The following ATXN10 variants were observed in gnomAD, a reference collection of about 807,000 sequenced individuals.
ATXN10 encodes ataxin-10.
ATXN10 carries 28 observed loss-of-function variants against 52.9 expected under a neutral mutation model. That is an observed-to-expected ratio of 0.53 (90% CI 0.39 to 0.73). The LOEUF is 0.73. Ranked by LOEUF, ATXN10 falls within the 30% of genes least tolerant of loss-of-function variation. The probability of loss-of-function intolerance (pLI) is 0.00; values close to 1 mark genes in which losing one functional copy is unlikely to be tolerated. For synonymous variants in ATXN10, 226 were observed against 221.5 expected, an observed-to-expected ratio of 1.02 and a Z score of -0.18; for missense variants, 565 against 577.0, an observed-to-expected ratio of 0.98 and a Z score of 0.21.
At chr22:45,814,017 A>G (rs916817591) in intron 10 of ATXN10, among the ~76,000 whole-genome samples, 3 of 152,218 alleles carry the variant, frequency 2.0e-5, no homozygotes. Flanking sequence ...AGTGGGGAAA[A>G]CATGACCTGG....
intron 9 of ATXN10, among the ~76,000 whole-genome samples, chr22:45,791,144 T>C (rs560579407): frequency 3.2e-4 from 49 of 152,202 alleles, no homozygotes; most frequent in Non-Finnish European, 5.9e-4. Flanking sequence ...CAAAAAACAT[T>C]ACTGTTTTCC....
At position 45,807,034 on chromosome 22, in the gene ATXN10, T is replaced by C. The variant is rs748225072; in HGVS notation, c.1237+12T>C. On this transcript the variant is annotated intron_variant, in intron 10 of 11. Coordinates refer to ENST00000252934, the MANE Select transcript of ATXN10 (RefSeq NM_013236.4). ...TGACAGTAACCCCTGTATCCTTGCATGTGAATTACCATGCACAAGTTTACA... is the reference window on the plus strand; with the variant it reads ...TGACAGTAACCCCTGTATCCTTGCACGTGAATTACCATGCACAAGTTTACA... 2.4e-5 allele frequency: 39 copies of C among 1,611,984 alleles called. No individual in the cohort carries two copies. The highest frequency in any genetic ancestry group is 3.1e-5 in the Non-Finnish European group (37 of 1,178,144).
In ATXN10 at chr22:45,825,047, C is replaced by T. The variant is rs1301805962; in HGVS notation, c.1238-17944C>T. On this transcript the variant is annotated intron_variant, in intron 10 of 11. Coordinates refer to ENST00000252934, the MANE Select transcript of ATXN10 (RefSeq NM_013236.4). The surrounding 1 kb of genome is among the most constrained non-coding windows in gnomAD (Gnocchi z 4.5). The stretch of plus-strand genomic sequence containing the variant: ...TCAGTAGCAGCTATTCCTCCTCCAT[C>T]CCCAGTCCTATGGCAGACAGCTGCT... Among the ~76,000 whole-genome samples the T allele has an allele frequency of 6.6e-6, 1 of 152,338 alleles. No homozygotes were observed. The highest frequency in any genetic ancestry group is 1.9e-4 in the East Asian group (1 of 5,188).
chr22:45,815,294 A>C (rs541044807), intron 10 of ATXN10, among the ~76,000 whole-genome samples: 1 of 152,318 alleles, frequency 6.6e-6, no homozygotes, highest in Admixed American at 6.5e-5. Context: ...GGATTCATCT[A>C]TGGTAATAGA....
Position 45,740,372 on chromosome 22 carries a change from T to G in ATXN10, c.1007T>G (p.Leu336Arg). The change falls in exon 9 of 12, where the codon CTT becomes CGT. Residue 336 changes from leucine (L) to arginine (R), a missense_variant. By Grantham distance (102) the Leu-to-Arg change is moderately radical. Transcript: ENST00000252934. ...FPGLLERVID[L>R]LRVIHVAGKE... ...AAGTTTACTCTTTTGGTTATAGATC[T>G]TTTGCGGGTGATTCATGTAGCTGGA... The G allele has an allele frequency of 6.2e-7, 1 of 1,613,826 alleles. No individual in the cohort carries two copies. The highest frequency in any genetic ancestry group is 8.5e-7 in the Non-Finnish European group (1 of 1,179,832).
chr22:45,832,323 A>T (rs1929020588), intron 10 of ATXN10, among the ~76,000 whole-genome samples: 1 of 152,128 alleles, frequency 6.6e-6, no homozygotes, highest in African/African-American at 2.4e-5. Flanking sequence ...AGTTTTTCTC[A>T]TCAGTGTTCC....
chr22:45,799,582 G>A (rs1035398065), intron 9 of ATXN10, among the ~76,000 whole-genome samples: 1 of 152,160 alleles, frequency 6.6e-6, no homozygotes, highest in African/African-American at 2.4e-5. Context: ...CAAACTATCA[G>A]TAGCTAAAGA....
chr22:45,710,366 G>A (rs907437090), intron 5 of ATXN10, among the ~76,000 whole-genome samples: 8 of 152,054 alleles, frequency 5.3e-5, no homozygotes, highest in South Asian at 2.1e-4. Context: ...AGCTCTTTTA[G>A]GTCTCTGTTC....
At chr22:45,800,699 C>G (rs1017966223) in intron 9 of ATXN10, among the ~76,000 whole-genome samples, 3 of 152,170 alleles carry the variant, frequency 2.0e-5, no homozygotes, top group African/African-American at 7.2e-5. Flanking sequence ...CAGTGGCCAT[C>G]AACACATGAG....
At position 45,843,032 on chromosome 22, in the gene ATXN10, G is replaced by A. The variant is rs552570494; in HGVS notation, c.1279G>A (p.Glu427Lys). 60 of 1,614,142 alleles carry A rather than the reference G, an allele frequency of 3.7e-5. No individual in the cohort carries two copies. In the Middle Eastern group the frequency reaches 6.6e-4, roughly 18 times the overall value. The part of the protein sequence containing the change: ...WVIYAIRNLT[E>K]DNSQNQDLIA... ...GATATATGCCATCCGAAACCTTACC[G>A]AAGACAACAGCCAAAACCAAGATTT... The change falls in exon 11 of 12, where the codon GAA becomes AAA. Residue 427 changes from glutamate (E) to lysine (K), a missense_variant. Transcript: ENST00000252934. The surrounding 1 kb of genome is among the most constrained non-coding windows in gnomAD (Gnocchi z 4.5).
At chr22:45,782,958 T>G (rs1927201378) in intron 9 of ATXN10, among the ~76,000 whole-genome samples, 1 of 150,182 alleles carries the variant, frequency 6.7e-6, no homozygotes, top group Non-Finnish European at 1.5e-5. Context: ...AATGGTAAAC[T>G]AGAACAATTA....
Position 45,672,010 on chromosome 22 carries a change from G to T in ATXN10, c.-54G>T, listed in dbSNP as rs760520011. On this transcript the variant is annotated 5_prime_UTR_variant, in exon 1 of 12. Transcript: ENST00000252934. ...TCCCTCCTCGTCATCCTCCCCCTTCGTCCTCCTCGCCTTCCTCCTCCTCGT... is the reference window on the plus strand; with the variant it reads ...TCCCTCCTCGTCATCCTCCCCCTTCTTCCTCCTCGCCTTCCTCCTCCTCGT... The T allele has an allele frequency of 3.3e-6, 5 of 1,521,482 alleles. No individual in the cohort carries two copies. The Middle Eastern group carries it at 5.1e-4, about 154-fold the overall frequency. 94.2% of individuals were successfully genotyped at this position (1,521,482 alleles called of 1,614,324 possible).
intron 9 of ATXN10, among the ~76,000 whole-genome samples, chr22:45,768,958 A>T (rs937280804): frequency 1.3e-5 from 2 of 152,134 alleles, no homozygotes; most frequent in Non-Finnish European, 2.9e-5. Context: ...AGAAATACCA[A>T]GGTATTAGCT....
intron 9 of ATXN10, among the ~76,000 whole-genome samples, chr22:45,752,609 T>C (rs2146818757): frequency 6.6e-6 from 1 of 150,798 alleles, no homozygotes; most frequent in East Asian, 1.9e-4. Flanking sequence ...GCCAGAGAGC[T>C]GGCCCCTTGG....
rs1162469372 is a variant in ATXN10, at chr22:45,728,098, T to TGTGAATATAC, written c.729-1327_729-1326insGTGAATATAC. The stretch of plus-strand genomic sequence containing the variant: ...TTAGATGATTTATATTCAATGTTAA[T>TGTGAATATAC]ACTGAGATGTGAGGTACTATCCCAG... On this transcript the variant is annotated intron_variant, in intron 6 of 11. Transcript: ENST00000252934. The surrounding 1 kb of genome is among the most constrained non-coding windows in gnomAD (Gnocchi z 4.3). Among the ~76,000 whole-genome samples, 16 of 152,156 alleles carry TGTGAATATAC rather than the reference T, an allele frequency of 1.1e-4. No homozygotes were observed. Among genetic ancestry groups the TGTGAATATAC allele is most frequent in the Non-Finnish European group, 1.3e-4 (9 of 68,030 alleles).
chr22:45,799,529 TACAG>T (rs1397368271), intron 9 of ATXN10, among the ~76,000 whole-genome samples: 2 of 152,008 alleles, frequency 1.3e-5, no homozygotes, highest in African/African-American at 2.4e-5. Context: ...CATGTGAAAA[TACAG>T]ACAGAGATCT....
chr22:45,773,073 T>C (rs1926829615), intron 9 of ATXN10, among the ~76,000 whole-genome samples: 1 of 152,244 alleles, frequency 6.6e-6, no homozygotes, highest in Non-Finnish European at 1.5e-5. Context: ...ACACAAGGGC[T>C]GACTGTGTAT....
chr22:45,821,358 A>C (rs562494339), intron 10 of ATXN10, among the ~76,000 whole-genome samples: 2 of 151,930 alleles, frequency 1.3e-5, no homozygotes, highest in South Asian at 4.2e-4. Flanking sequence ...AAAAAAAAAA[A>C]AAAAAAAAAC....
At position 45,728,474 on chromosome 22, in the gene ATXN10, C is replaced by T. The variant is rs1924962743; in HGVS notation, c.729-951C>T. 6.6e-6 allele frequency among the ~76,000 whole-genome samples: 1 copy of T among 152,056 alleles called. No homozygotes were observed. Among genetic ancestry groups the T allele is most frequent in the Non-Finnish European group, 1.5e-5 (1 of 67,986 alleles). ...CATCATTTGGCCACAGTACAGGAAG[C>T]GTTTGCTATAGTTTTATTTCTTACT... On this transcript the variant is annotated intron_variant, in intron 6 of 11. Transcript: ENST00000252934. This position sits in a 1 kb window ranked among gnomAD's most constrained non-coding sequence, Gnocchi z 4.3.
Sources: allele counts gnomAD v4.1 joint callset (sites outside exome capture counted in the v4.1 genomes callset), GRCh38; gene constraint gnomAD v4.1.1; non-coding constraint Gnocchi (gnomAD v3.1); transcripts MANE v1.5; gene names NCBI Gene and HGNC (gene_info 2026-07-23, HGNC 2026-07-21).